The following ANKRD42 variants were observed in gnomAD, a reference collection of about 807,000 sequenced individuals.
The protein encoded by ANKRD42 is ankyrin repeat domain-containing protein 42.
Under a neutral mutation model 51.5 loss-of-function variants are expected in ANKRD42, and 43 were observed. The ratio of observed to expected loss-of-function variants is 0.83; its 90% CI spans 0.65 to 1.08. The LOEUF (loss-of-function observed/expected upper bound fraction) is 1.08, where lower values mean the gene tolerates loss of function less well. Among genes scored for constraint, ANKRD42 ranks in the 50% least tolerant of loss-of-function variants. The pLI, the probability that ANKRD42 is intolerant of heterozygous loss-of-function variation, is 0.00. For missense variants in ANKRD42, 608 were observed against 629.3 expected (o/e 0.97, Z 0.36); for synonymous variants, 203 against 213.0 (o/e 0.95, Z 0.41).
chr11:83,257,388 A>G (rs1863792718), downstream of ANKRD42: 1 of 446,232 alleles, frequency 2.2e-6, no homozygotes, highest in East Asian at 7.0e-5. Flanking sequence ...AAGAGAAAAT[A>G]GAGGCAAGTA....
intron 5 of ANKRD42, among the ~76,000 whole-genome samples, chr11:83,216,450 G>A (rs1027348311): frequency 2.0e-5 from 3 of 151,518 alleles, no homozygotes; most frequent in Non-Finnish European, 4.4e-5. Flanking sequence ...TCAGCCTCCC[G>A]AGTAGCTGGG....
intron 5 of ANKRD42, chr11:83,214,483 T>TAA (rs1862452704): frequency 1.0e-6 from 1 of 978,856 alleles, no homozygotes; most frequent in African/African-American, 1.8e-5. Context: ...CATGTATGAT[T>TAA]ATTTTATTTA....
chr11:83,256,054 A>T (rs55913675), exon 12 of ANKRD42: 13,976 of 656,954 alleles, frequency 0.021, 351 homozygotes, highest in South Asian at 0.074. Flanking sequence ...TCCAATTCTG[A>T]TGGCAGAAAT....
chr11:83,204,907 A>G (rs76916585), intron 2 of ANKRD42, among the ~76,000 whole-genome samples: 3,214 of 152,312 alleles, frequency 0.021, 120 homozygotes, highest in African/African-American at 0.07. Flanking sequence ...ACATATGAAA[A>G]GATGTTCAAC....
Position 83,231,190 on chromosome 11 carries a change from C to T in ANKRD42, c.913+3318C>T, listed in dbSNP as rs959589366. On this transcript the variant is annotated intron_variant, in intron 7 of 10. Coordinates refer to ENST00000533342, the MANE Select transcript of ANKRD42 (RefSeq NM_001300975.2). ...CATTCTCACCAACAGTGTACGAGGG[C>T]TCCCTTTTCTCCACATCCTCACCAG... 2.0e-5 allele frequency among the ~76,000 whole-genome samples: 3 copies of T among 152,174 alleles called. No homozygotes were observed. In the East Asian group the frequency reaches 5.8e-4, roughly 29 times the overall value.
At chr11:83,237,484 C>T (rs1863258880) in intron 8 of ANKRD42, among the ~76,000 whole-genome samples, 1 of 152,138 alleles carries the variant, frequency 6.6e-6, no homozygotes, top group Non-Finnish European at 1.5e-5. Flanking sequence ...TGAAGAACTG[C>T]ATGTGGATTA....
chr11:83,203,238 A>G (rs929731545), intron 2 of ANKRD42, among the ~76,000 whole-genome samples: 21 of 151,918 alleles, frequency 1.4e-4, no homozygotes, highest in African/African-American at 4.8e-4. Flanking sequence ...CAAGTGATCC[A>G]CTTGTCTTGG....
intron 3 of ANKRD42, among the ~76,000 whole-genome samples, chr11:83,207,838 C>T (rs2135494640): frequency 6.6e-6 from 1 of 152,222 alleles, no homozygotes; most frequent in Admixed American, 6.5e-5. Context: ...GGGGATATAC[C>T]ATTATATTAG....
At chr11:83,203,153 C>G (rs957584017) in intron 2 of ANKRD42, among the ~76,000 whole-genome samples, 2 of 151,776 alleles carry the variant, frequency 1.3e-5, no homozygotes, top group Non-Finnish European at 2.9e-5. Context: ...GCCACCATAC[C>G]TGTCTAATTT....
intron 2 of ANKRD42, among the ~76,000 whole-genome samples, chr11:83,202,989 T>A (rs1055603501): frequency 8.4e-5 from 10 of 119,466 alleles, no homozygotes; most frequent in African/African-American, 3.1e-4. Context: ...GTTGGTTGGA[T>A]TTTTTTTTTT....
chr11:83,225,122 A>G, intron 6 of ANKRD42, 67 bp downstream of exon 6: 1 of 1,374,648 alleles, frequency 7.3e-7, no homozygotes, highest in Non-Finnish European at 1.0e-6. Flanking sequence ...TATAATGAGT[A>G]GAATCAATGA....
At chr11:83,232,245 AT>A (rs1328521084) in intron 7 of ANKRD42, among the ~76,000 whole-genome samples, 1 of 151,726 alleles carries the variant, frequency 6.6e-6, no homozygotes, top group African/African-American at 2.4e-5. Context: ...ATATCTTTCC[AT>A]TTTTTGATGT....
chr11:83,233,670 A>ATTTTG (rs758873670), intron 7 of ANKRD42, among the ~76,000 whole-genome samples: 15 of 151,488 alleles, frequency 9.9e-5, no homozygotes, highest in South Asian at 8.4e-4. Flanking sequence ...GCATCATTAG[A>ATTTTG]TTTTGTTTTG....
At chr11:83,225,596 G>A (rs1323713167) in intron 6 of ANKRD42, among the ~76,000 whole-genome samples, 3 of 150,606 alleles carry the variant, frequency 2.0e-5, no homozygotes, top group Admixed American at 6.6e-5. Context: ...TTAACATAAT[G>A]AGCAGTGAAT....
At chr11:83,238,963 C>T (rs1457337986) in intron 8 of ANKRD42, among the ~76,000 whole-genome samples, 3 of 151,644 alleles carry the variant, frequency 2.0e-5, no homozygotes, top group Non-Finnish European at 2.9e-5. Flanking sequence ...GAGCCTAGAT[C>T]GCACCACAGC....
At chr11:83,257,228 T>TG, downstream of ANKRD42, 1 of 439,292 alleles carries the variant, frequency 2.3e-6, no homozygotes, top group East Asian at 7.0e-5. Context: ...GTGAGATAGA[T>TG]GCAAGGGTCC....
intron 11 of ANKRD42, among the ~76,000 whole-genome samples, chr11:83,254,429 T>C (rs1296671): frequency 1.6e-5 from 2 of 123,718 alleles, no homozygotes; most frequent in Non-Finnish European, 3.3e-5. Flanking sequence ...TTTTCTTTTT[T>C]CTTTTCTTTT....
intron 5 of ANKRD42, among the ~76,000 whole-genome samples, chr11:83,220,764 CA>C (rs1226050829): frequency 6.6e-6 from 1 of 152,054 alleles, no homozygotes; most frequent in Non-Finnish European, 1.5e-5. Context: ...CAAACTGGGG[CA>C]CCTTTATATG....
chr11:83,211,341 C>T lies in ANKRD42; in HGVS notation c.497C>T (p.Ala166Val), dbSNP rs1862308184. ...DKREWRPVHY[A>V]AFHGRLGCLQ... Reference sequence around the variant, plus strand: ...AGAGAATGGAGACCTGTGCATTATGCAGCTTTTCATGGGCGGCTTGGCTGC... The same window carrying T: ...AGAGAATGGAGACCTGTGCATTATGTAGCTTTTCATGGGCGGCTTGGCTGC... The change falls in exon 5 of 11, where the codon GCA (alanine) becomes GTA (valine). Residue 166 changes from alanine (A) to valine (V), a missense_variant. Physicochemically the swap from Ala to Val is moderately conservative, Grantham distance 64 (BLOSUM62 0). Transcript: ENST00000533342. 6.2e-7 allele frequency: 1 copy of T among 1,614,176 alleles called. No individual in the cohort carries two copies. The highest frequency in any genetic ancestry group is 1.3e-5 in the African/African-American group (1 of 75,054).
Sources: gnomAD v4.1 joint callset for allele counts (sites outside exome capture counted in the v4.1 genomes callset) on GRCh38, gnomAD v4.1.1 for gene constraint, MANE v1.5 for transcripts, NCBI Gene and HGNC (gene_info 2026-07-23, HGNC 2026-07-21) for gene names.